SLC25A39: variants seen among roughly 807,000 people sequenced by gnomAD.
The protein encoded by SLC25A39 is mitochondrial glutathione transporter SLC25A39.
In SLC25A39, 44 loss-of-function variants were observed where a neutral mutation model predicts 46.6. That is an observed-to-expected ratio of 0.94 (90% confidence interval 0.74 to 1.21). The LOEUF (loss-of-function observed/expected upper bound fraction) is 1.21. Ranked by LOEUF, SLC25A39 falls within the 50% of genes most tolerant of loss-of-function variation. The pLI, the probability that SLC25A39 is intolerant of heterozygous loss-of-function variation, is 0.00. For missense variants in SLC25A39, 487 were observed against 473.0 expected, an observed-to-expected ratio of 1.03 and a Z score of -0.28; for synonymous variants, 218 against 190.6, an observed-to-expected ratio of 1.14 and a Z score of -1.19.
chr17:44,323,439 A>ACGCCCCCCC, intron 2 of SLC25A39, 39 bp downstream of exon 2: 1 of 257,114 alleles, frequency 3.9e-6, no homozygotes, highest in Non-Finnish European at 5.7e-6. Context: ...GGTCTGCCCC[A>ACGCCCCCCC]TCCCCACCCG....
In SLC25A39 at chr17:44,323,862, G is replaced by A; in HGVS notation, c.-15-285C>T. 3 of 376,766 alleles carry A rather than the reference G, an allele frequency of 8.0e-6. No individual in the cohort carries two copies. The South Asian group carries it at 9.7e-5, about 12-fold the overall frequency. 23.3% of individuals were successfully genotyped at this position (376,766 alleles called of 1,614,324 possible). A position where few individuals can be genotyped will look rare whatever the true frequency, so the allele number is the denominator to read the frequency against. On this transcript the variant is annotated intron_variant, in intron 1 of 11. Coordinates refer to ENST00000377095, the MANE Select transcript of SLC25A39 (RefSeq NM_001143780.3). ...TCACCATGTTGGCCAAGATGATCTC[G>A]ATCTCCTGACCTCGTGATCCGCCCG... is the stretch of plus-strand genomic sequence containing the variant.
At position 44,321,503 on chromosome 17, in the gene SLC25A39, C is replaced by T. The variant is rs1446662681; in HGVS notation, c.448G>A (p.Ala150Thr). ...GTCAGGGCTCGACCACACAGGAAGG[C>T]CTTCAGTTGGTCATAGGCAGTGAAG... ...IYFTAYDQLKAFLCGRALTSD... is the reference protein window; with the variant it reads ...IYFTAYDQLKTFLCGRALTSD... Residue 150 changes from alanine to threonine, a missense_variant, in exon 7 of 12, where the codon GCC becomes ACC. Physicochemically the swap from Ala to Thr is moderately conservative, Grantham distance 58. Transcript: ENST00000377095. 2 of 1,614,076 alleles carry T rather than the reference C, an allele frequency of 1.2e-6. No individual in the cohort carries two copies. Among genetic ancestry groups the T allele is most frequent in the South Asian group, 1.1e-5 (1 of 91,084 alleles).
rs1256915106 is a variant in SLC25A39, at chr17:44,323,359, G to A, written c.86-16C>T. 1.2e-6 allele frequency: 2 copies of A among 1,607,970 alleles called. No homozygotes were observed. The highest frequency in any genetic ancestry group is 1.3e-5 in the African/African-American group (1 of 74,824). ...AGGGGTGTCACTGGGGGAGGAAGCG[G>A]GTCTGAAGGCTCCTTTCAGGACCCC... On this transcript the variant is annotated splice_polypyrimidine_tract_variant and intron_variant, in intron 2 of 11. Coordinates refer to ENST00000377095, the MANE Select transcript of SLC25A39 (RefSeq NM_001143780.3).
chr17:44,321,833 C>A (rs1402415647), intron 5 of SLC25A39, 66 bp from the exon 6 acceptor site: 23 of 1,526,322 alleles, frequency 1.5e-5, no homozygotes, highest in Non-Finnish European at 2.0e-5. Context: ...ATGGGGCTGG[C>A]CCAGGCTAGG....
At chr17:44,321,328 C>A (rs1334833232) in intron 7 of SLC25A39, 97 bp from the exon 8 acceptor site, 4 of 1,584,846 alleles carry the variant, frequency 2.5e-6, no homozygotes, top group South Asian at 1.1e-5. Flanking sequence ...ACCTAGAACA[C>A]CCCCCTATCC....
At position 44,322,861 on chromosome 17, in the gene SLC25A39, C is replaced by T; in HGVS notation, c.146-9G>A. 6.2e-7 allele frequency: 1 copy of T among 1,613,992 alleles called. No individual in the cohort carries two copies. The highest frequency in any genetic ancestry group is 8.5e-7 in the Non-Finnish European group (1 of 1,179,942). ...GGAGGAAGGCATCAGCTCTAAAATA[C>T]AAGGCAGCCCCTCAAGTCAGGAGAG... On this transcript the variant is annotated splice_polypyrimidine_tract_variant and intron_variant, in intron 3 of 11. Coordinates refer to ENST00000377095, the MANE Select transcript of SLC25A39 (RefSeq NM_001143780.3).
At position 44,321,414 on chromosome 17, in the gene SLC25A39, A is replaced by C. The variant is rs779285375; in HGVS notation, c.517+20T>G. ...CGAGGTGGGGACAGAGGGAGGTCAAAGGCCCAAGACTATGCTCACGGCGGG... is the reference window on the plus strand; with the variant it reads ...CGAGGTGGGGACAGAGGGAGGTCAACGGCCCAAGACTATGCTCACGGCGGG... On this transcript the variant is annotated intron_variant, in intron 7 of 11. Transcript: ENST00000377095. 5.6e-6 allele frequency: 9 copies of C among 1,613,440 alleles called. No homozygotes were observed. In the East Asian group the frequency reaches 2.0e-4, roughly 36 times the overall value.
chr17:44,323,790 C>A, intron 1 of SLC25A39: 1 of 568,052 alleles, frequency 1.8e-6, no homozygotes, highest in East Asian at 3.0e-5. Flanking sequence ...TACAGGCGCG[C>A]ACCACCACGC....
chr17:44,322,718 G>A (rs2048090091), intron 4 of SLC25A39, 90 bp downstream of exon 4: 13 of 1,590,302 alleles, frequency 8.2e-6, no homozygotes, highest in Non-Finnish European at 1.0e-5. Flanking sequence ...CTAGTCCATG[G>A]CTGTGGAGCC....
At chr17:44,323,249 C>T in intron 3 of SLC25A39, 35 bp downstream of exon 3, 2 of 1,612,366 alleles carry the variant, frequency 1.2e-6, no homozygotes, top group Non-Finnish European at 1.7e-6. Flanking sequence ...TTTGCCCAGG[C>T]ACCACCCCTC....
chr17:44,323,917 G>A (rs146274086), intron 1 of SLC25A39: 6,021 of 293,696 alleles, frequency 0.021, 178 homozygotes, highest in South Asian at 0.097. Context: ...TGGGATTACA[G>A]GCGTGAGCCA....
chr17:44,323,794 A>T (rs1260635917), intron 1 of SLC25A39: 1 of 554,096 alleles, frequency 1.8e-6, no homozygotes, highest in Non-Finnish European at 3.2e-6. Context: ...GGCGCGCACC[A>T]CCACGCCTAG....
rs769806968 is a variant in SLC25A39 at position 44,321,436 on chromosome 17, C to T, written c.515G>A (p.Arg172His). 9.3e-6 allele frequency: 15 copies of T among 1,613,540 alleles called. No homozygotes were observed. Among genetic ancestry groups the T allele is most frequent in the East Asian group, 4.5e-5 (2 of 44,886 alleles). ...YAPMVAGALA[R>H]LGTVTVISPL... ...CAAAGGCCCAAGACTATGCTCACGG[C>T]GGGCCAGCGCGCCAGCCACCATGGG... Residue 172 changes from arginine (R) to histidine (H), a missense_variant and splice_region_variant, in exon 7 of 12, where the codon CGC becomes CAC. Physicochemically the swap from Arg to His is conservative, Grantham distance 29. Coordinates refer to ENST00000377095, the MANE Select transcript of SLC25A39 (RefSeq NM_001143780.3).
chr17:44,323,558 G>A lies in SLC25A39; in HGVS notation c.5C>T (p.Ala2Val). The A allele has an allele frequency of 6.4e-7, 1 of 1,569,478 alleles. No homozygotes were observed. Among genetic ancestry groups the A allele is most frequent in the Non-Finnish European group, 8.6e-7 (1 of 1,157,452 alleles). Residue 2 changes from alanine (A) to valine (V), a missense_variant, in exon 2 of 12, where the codon GCT becomes GTT. Transcript: ENST00000377095. ...GCTGATGCCCGCAGGGTCCTGGTCA[G>A]CCATCTTGAAGCTTCAGTCCTGAAA... M[A>V]DQDPAGISPL...
At chr17:44,323,439 A>AAGCCCCCCCCCCCCCCCC in intron 2 of SLC25A39, 39 bp downstream of exon 2, 7 of 257,042 alleles carry the variant, frequency 2.7e-5, no homozygotes, top group African/African-American at 7.1e-5. Flanking sequence ...GGTCTGCCCC[A>AAGCCCCCCCCCCCCCCCC]TCCCCACCCG....
In SLC25A39 at chr17:44,323,346, G is replaced by A. The variant is rs1399791467; in HGVS notation, c.86-3C>T. ...CTTCACCACGTCCAGGGGTGTCACT[G>A]GGGGAGGAAGCGGGTCTGAAGGCTC... On this transcript the variant is annotated splice_region_variant and splice_polypyrimidine_tract_variant and intron_variant, in intron 2 of 11. Transcript: ENST00000377095. 3.1e-6 allele frequency: 5 copies of A among 1,609,974 alleles called. No individual in the cohort carries two copies. The Admixed American group carries it at 6.7e-5, about 22-fold the overall frequency.
rs750595785 is a variant in SLC25A39 at position 44,320,617 on chromosome 17, C to T, written c.801+5G>A. On this transcript the variant is annotated splice_donor_5th_base_variant and intron_variant, in intron 9 of 11. Coordinates refer to ENST00000377095, the MANE Select transcript of SLC25A39 (RefSeq NM_001143780.3). ...CTGGCCTCACCTCCAGCCCAGTCCA[C>T]TCACCGTCCCTGAGATGCCACCAGC... The T allele has an allele frequency of 9.3e-6, 15 of 1,613,372 alleles. No individual in the cohort carries two copies. Among genetic ancestry groups the T allele is most frequent in the Admixed American group, 1.7e-5 (1 of 60,026 alleles).
intron 5 of SLC25A39, 27 bp from the exon 6 acceptor site, chr17:44,321,794 G>A (rs780735690): frequency 6.2e-7 from 1 of 1,601,664 alleles, no homozygotes. Context: ...CAGCCCAGGG[G>A]AAGAGGAGGG....
intron 2 of SLC25A39, 38 bp downstream of exon 2, chr17:44,323,440 T>TGCCCCCCCCCCCC: frequency 5.9e-6 from 2 of 341,554 alleles, no homozygotes; most frequent in Non-Finnish European, 8.9e-6. Context: ...GTCTGCCCCA[T>TGCCCCCCCCCCCC]CCCCACCCGC....
Sources: gnomAD v4.1 joint callset for allele counts on GRCh38, gnomAD v4.1.1 for gene constraint, MANE v1.5 for transcripts, NCBI Gene and HGNC (gene_info 2026-07-23, HGNC 2026-07-21) for gene names.